UBR1: variants seen among roughly 807,000 people sequenced by gnomAD.
UBR1 encodes the protein ubiquitin protein ligase E3 component n-recognin 1.
UBR1 carries 102 observed loss-of-function variants against 242.1 expected under a neutral mutation model. The observed-to-expected ratio is 0.42, with a 90% CI of 0.36 to 0.50. The LOEUF is 0.50. UBR1 is among the 20% of genes least tolerant of loss of function. The pLI is 0.01. For missense variants in UBR1, 1,772 were observed against 2,101.8 expected, an observed-to-expected ratio of 0.84 and a Z score of 3.07; for synonymous variants, 675 against 684.8, an observed-to-expected ratio of 0.99 and a Z score of 0.22.
In UBR1 at chr15:43,034,255, AATAAATAAATAAATAAATAAATAAATAG is replaced by A. The variant is rs2033299163; in HGVS notation, c.2191-1652_2191-1625del. ...CATCTCAAAAATAAATAAATAAATAAATAAATAAATAAATAAATAAATAAATAGATAAATAAATGAGCTGGGCGTGGTG... is the reference window on the plus strand; with the variant it reads ...CATCTCAAAAATAAATAAATAAATAAATAAATAAATGAGCTGGGCGTGGTG... On this transcript the variant is annotated intron_variant, in intron 19 of 46. Transcript: ENST00000290650. 6.8e-5 allele frequency among the ~76,000 whole-genome samples: 5 copies of A among 73,746 alleles called. No individual in the cohort carries two copies. The South Asian group carries it at 1.8e-3, about 27-fold the overall frequency. The allele number at this position is 73,746 out of a possible 152,430, so 48.4% of individuals were successfully genotyped here. A position where few individuals can be genotyped will look rare whatever the true frequency, so the allele number is the denominator to read the frequency against.
chr15:43,048,234 T>A (rs566846894), intron 13 of UBR1, among the ~76,000 whole-genome samples, 158 bp downstream of exon 13: 1 of 151,440 alleles, frequency 6.6e-6, no homozygotes, highest in Non-Finnish European at 1.5e-5. Flanking sequence ...TATAAAAGGA[T>A]CTATCAAAAC....
At chr15:43,071,008 T>C (rs2033818162) in intron 4 of UBR1, 83 bp from the exon 5 acceptor site, 13 of 1,543,102 alleles carry the variant, frequency 8.4e-6, no homozygotes, top group Non-Finnish European at 1.2e-5. Flanking sequence ...GTTAAAATAA[T>C]CACTTTGCTG....
At chr15:43,004,724 C>T (rs539437283) in intron 30 of UBR1, among the ~76,000 whole-genome samples, 16 of 152,142 alleles carry the variant, frequency 1.1e-4, no homozygotes, top group Middle Eastern at 3.4e-3. Context: ...GATCTCGGCT[C>T]GCTACAACCC....
At chr15:42,948,832 G>A (rs1399993017) in intron 46 of UBR1, among the ~76,000 whole-genome samples, 1 of 152,102 alleles carries the variant, frequency 6.6e-6, no homozygotes, top group East Asian at 1.9e-4. Flanking sequence ...CTGTTGGTGG[G>A]ACTGTAAACT....
chr15:43,097,085 G>C (rs1262515547), intron 1 of UBR1, among the ~76,000 whole-genome samples: 3 of 152,122 alleles, frequency 2.0e-5, no homozygotes, highest in African/African-American at 7.2e-5. Flanking sequence ...TAAGAGTTGA[G>C]AGTTGCAATT....
Position 43,048,435 on chromosome 15 carries a change from A to C in UBR1, c.1496T>G (p.Leu499Arg), listed in dbSNP as rs764918267. 5 of 1,613,830 alleles carry C rather than the reference A, an allele frequency of 3.1e-6. No individual in the cohort carries two copies. The highest frequency in any genetic ancestry group is 1.7e-4 in the Middle Eastern group (1 of 6,020). Residue 499 changes from leucine to arginine, a missense_variant, in exon 13 of 47, where the codon CTT becomes CGT. By Grantham distance (102) the Leu-to-Arg change is moderately radical. Coordinates refer to ENST00000290650, the MANE Select transcript of UBR1 (RefSeq NM_174916.3). ...CTTCAAAAAAGATCGAAAACCTTCAAGGAACTGCATTCTTAATCTTTCTGT... is the reference window on the plus strand; with the variant it reads ...CTTCAAAAAAGATCGAAAACCTTCACGGAACTGCATTCTTAATCTTTCTGT... ...IWTERLRMQF[L>R]EGFRSFLKIL...
chr15:43,023,485 G>A (rs2033137173), intron 25 of UBR1, among the ~76,000 whole-genome samples: 1 of 151,314 alleles, frequency 6.6e-6, no homozygotes, highest in African/African-American at 2.4e-5. Flanking sequence ...CAGCTGCTTG[G>A]GAGGCTGAGG....
chr15:43,105,158 G>T (rs1335192769), intron 1 of UBR1, among the ~76,000 whole-genome samples: 2 of 152,086 alleles, frequency 1.3e-5, no homozygotes, highest in Non-Finnish European at 2.9e-5. Flanking sequence ...ATCATGCGGT[G>T]ACAGATATTT....
chr15:42,971,803 TG>T (rs1162152791), intron 39 of UBR1, among the ~76,000 whole-genome samples: 2 of 152,226 alleles, frequency 1.3e-5, no homozygotes, highest in Admixed American at 1.3e-4. Flanking sequence ...CTCTATCTGA[TG>T]ATGAGTTTGA....
chr15:43,016,581 G>T (rs1234665712), intron 28 of UBR1, among the ~76,000 whole-genome samples: 1 of 152,008 alleles, frequency 6.6e-6, no homozygotes, highest in East Asian at 1.9e-4. Flanking sequence ...ATGGTATTTT[G>T]GTTTTTTGTT....
chr15:43,044,691 G>C (rs1160138650), intron 14 of UBR1, among the ~76,000 whole-genome samples: 1 of 152,110 alleles, frequency 6.6e-6, no homozygotes. Context: ...AGGAGTTTGA[G>C]ACCAGCCTGG....
chr15:43,020,918 T>A (rs972111613), intron 27 of UBR1, among the ~76,000 whole-genome samples: 1 of 152,196 alleles, frequency 6.6e-6, no homozygotes, highest in Admixed American at 6.5e-5. Context: ...TCTATTGAAT[T>A]ACCCTGATAT....
At chr15:43,071,530 C>T (rs2033824965) in intron 4 of UBR1, among the ~76,000 whole-genome samples, 1 of 152,040 alleles carries the variant, frequency 6.6e-6, no homozygotes, top group Admixed American at 6.5e-5. Flanking sequence ...ATCTGTTACA[C>T]AACAATGTGA....
chr15:42,976,644 CAAG>C (rs1175442973), intron 39 of UBR1, 70 bp downstream of exon 39: 1 of 1,543,446 alleles, frequency 6.5e-7, no homozygotes, highest in East Asian at 2.2e-5. Flanking sequence ...TATATAATCA[CAAG>C]AATAATTAAT....
chr15:43,019,303 C>A (rs1004660784), intron 27 of UBR1, among the ~76,000 whole-genome samples: 1 of 152,054 alleles, frequency 6.6e-6, no homozygotes, highest in Non-Finnish European at 1.5e-5. Flanking sequence ...GACCTCGTGA[C>A]CCCGCCGCCT....
In UBR1 at chr15:42,943,048, C is replaced by T. The variant is rs996665491; in HGVS notation, c.*2281G>A. The T allele has an allele frequency of 2.6e-5, 4 of 152,592 alleles. No individual in the cohort carries two copies. Among genetic ancestry groups the T allele is most frequent in the African/African-American group, 9.7e-5 (4 of 41,442 alleles). 9.5% of individuals were successfully genotyped at this position (152,592 alleles called of 1,614,324 possible). The stretch of plus-strand genomic sequence containing the variant: ...ATGGAATTTGAATCAGTGGTATAAA[C>T]ATGTTGCAGTCACTAAATATAGATC... On this transcript the variant is annotated 3_prime_UTR_variant, in exon 47 of 47. Transcript: ENST00000290650.
At chr15:43,023,196 G>A (rs2033132796) in intron 25 of UBR1, among the ~76,000 whole-genome samples, 2 of 152,086 alleles carry the variant, frequency 1.3e-5, no homozygotes, top group African/African-American at 4.8e-5. Flanking sequence ...TTAAGTAGAA[G>A]TATAAAAATA....
chr15:43,022,478 T>C (rs753994948), intron 26 of UBR1, among the ~76,000 whole-genome samples: 1 of 150,930 alleles, frequency 6.6e-6, no homozygotes, highest in Non-Finnish European at 1.5e-5. Context: ...AAAAAGATTG[T>C]AGTAAAGATT....
At chr15:42,966,677 C>CA (rs201069916) in intron 40 of UBR1, among the ~76,000 whole-genome samples, 2,188 of 95,068 alleles carry the variant, frequency 0.023, 23 homozygotes, top group African/African-American at 0.042. Flanking sequence ...GACGCTGACT[C>CA]AAAAAAAAAA....
Sources: allele counts gnomAD v4.1 joint callset (sites outside exome capture counted in the v4.1 genomes callset), GRCh38; gene constraint gnomAD v4.1.1; transcripts MANE v1.5; gene names NCBI Gene and HGNC (gene_info 2026-07-23, HGNC 2026-07-21).